SCN9A: variants seen among roughly 807,000 people sequenced by gnomAD.
SCN9A encodes sodium channel protein type 9 subunit alpha.
A neutral mutation model predicts 187.0 loss-of-function variants in SCN9A; 131 were observed. The ratio of observed to expected loss-of-function variants is 0.70; its 90% CI spans 0.61 to 0.81. The LOEUF is 0.81. SCN9A is among the 30% of genes least tolerant of loss of function. The probability of loss-of-function intolerance (pLI) is 0.00; values close to 1 mark genes in which losing one functional copy is unlikely to be tolerated. For missense variants in SCN9A, 2,252 were observed against 2,396.6 expected, an observed-to-expected ratio of 0.94 and a Z score of 1.26; for synonymous variants, 809 against 808.6, an observed-to-expected ratio of 1.00 and a Z score of -0.01.
At chr2:166,354,424 G>A (rs1404290141) in intron 1 of SCN9A, among the ~76,000 whole-genome samples, 1 of 152,046 alleles carries the variant, frequency 6.6e-6, no homozygotes, top group African/African-American at 2.4e-5. Context: ...GGACAATATG[G>A]TGGACACCAA....
At chr2:166,331,200 C>T (rs1003294035) in intron 1 of SCN9A, among the ~76,000 whole-genome samples, 3 of 152,234 alleles carry the variant, frequency 2.0e-5, no homozygotes, top group South Asian at 2.1e-4. Flanking sequence ...GCTTCATTCT[C>T]TTTGATCTTC....
chr2:166,265,774 T>C (rs942008778), intron 17 of SCN9A, among the ~76,000 whole-genome samples: 1 of 152,048 alleles, frequency 6.6e-6, no homozygotes, highest in African/African-American at 2.4e-5. Context: ...GGTGAGGAGA[T>C]ACCTCAAGAT....
intron 1 of SCN9A, among the ~76,000 whole-genome samples, chr2:166,361,980 G>C (rs1052415126): frequency 6.6e-6 from 1 of 152,048 alleles, no homozygotes; most frequent in Non-Finnish European, 1.5e-5. Flanking sequence ...ATTGTTAAAA[G>C]CCCTTTAATT....
In SCN9A at chr2:166,197,774, A is replaced by C. The variant is rs1693286338; in HGVS notation, c.*898T>G. The C allele has an allele frequency of 6.6e-6, 1 of 152,204 alleles. No individual in the cohort carries two copies. Among genetic ancestry groups the C allele is most frequent in the Admixed American group, 6.5e-5 (1 of 15,286 alleles). 9.4% of individuals were successfully genotyped at this position (152,204 alleles called of 1,614,324 possible). On this transcript the variant is annotated 3_prime_UTR_variant, in exon 27 of 27. Transcript: ENST00000642356. Reference sequence around the variant, plus strand: ...GGAAAATTTGACAAAAGAGTTTAAGAGACTATTATCAGTATTTTGGGCAGC... The same window carrying C: ...GGAAAATTTGACAAAAGAGTTTAAGCGACTATTATCAGTATTTTGGGCAGC...
At chr2:166,306,840 A>T in intron 3 of SCN9A, 116 bp downstream of exon 3, 2 of 656,234 alleles carry the variant, frequency 3.0e-6, no homozygotes, top group South Asian at 4.1e-5. Context: ...TACTGAAATT[A>T]ATAAACTAAA....
In SCN9A at chr2:166,197,140, T is replaced by C. The variant is rs1302423304; in HGVS notation, c.*1532A>G. 6.6e-6 allele frequency: 1 copy of C among 152,080 alleles called. No homozygotes were observed. Among genetic ancestry groups the C allele is most frequent in the Non-Finnish European group, 1.5e-5 (1 of 67,962 alleles). 9.4% of individuals were successfully genotyped at this position (152,080 alleles called of 1,614,324 possible). A position where few individuals can be genotyped will look rare whatever the true frequency, so the allele number is the denominator to read the frequency against. On this transcript the variant is annotated 3_prime_UTR_variant, in exon 27 of 27. Transcript: ENST00000642356. ...GCTTCAAAACCTCCCACAAAAATCT[T>C]CTAAGTAAAACTACATTCTACCTGT...
intron 1 of SCN9A, among the ~76,000 whole-genome samples, chr2:166,374,851 C>A (rs1041157934): frequency 1.3e-5 from 2 of 151,666 alleles, no homozygotes; most frequent in Non-Finnish European, 2.9e-5. Context: ...TCTTAAAAAC[C>A]CCCCTAAGTT....
At chr2:166,214,655 C>G (rs940486092) in intron 24 of SCN9A, among the ~76,000 whole-genome samples, 3 of 149,132 alleles carry the variant, frequency 2.0e-5, no homozygotes, top group Non-Finnish European at 4.4e-5. Context: ...GCTGGGACTA[C>G]AGGCGCCCGC....
In SCN9A at chr2:166,268,986, A is replaced by G. The variant is rs1696861356; in HGVS notation, c.3351+3413T>C. Among the ~76,000 whole-genome samples the G allele has an allele frequency of 2.0e-5, 3 of 151,966 alleles. No individual in the cohort carries two copies. In the South Asian group the frequency reaches 6.2e-4, roughly 31 times the overall value. On this transcript the variant is annotated intron_variant, in intron 17 of 26. Coordinates refer to ENST00000642356, the MANE Select transcript of SCN9A (RefSeq NM_001365536.1). ...CAAACACTATGCTACATGACTTAAA[A>G]ATACTAGCTTGTGTATCTGTTACTA... is the stretch of plus-strand genomic sequence containing the variant.
chr2:166,292,852 G>C (rs920533503), intron 9 of SCN9A, among the ~76,000 whole-genome samples: 4 of 152,102 alleles, frequency 2.6e-5, no homozygotes, highest in South Asian at 2.1e-4. Context: ...AATAAAACAT[G>C]GTGAGCAGGT....
At chr2:166,232,067 C>T (rs1335775379) in intron 21 of SCN9A, among the ~76,000 whole-genome samples, 2 of 151,978 alleles carry the variant, frequency 1.3e-5, no homozygotes, top group African/African-American at 4.8e-5. Flanking sequence ...GCTATACAAA[C>T]GGGTTAGGGT....
At position 166,303,116 on chromosome 2, in the gene SCN9A, G is replaced by A. The variant is rs747040934; in HGVS notation, c.875C>T (p.Thr292Ile). 6.2e-7 allele frequency: 1 copy of A among 1,605,456 alleles called. No homozygotes were observed. Among genetic ancestry groups the A allele is most frequent in the South Asian group, 1.1e-5 (1 of 90,232 alleles). The part of the protein sequence containing the change: ...NNETLESIMN[T>I]LESEEDFRKY... Reference sequence around the variant, plus strand: ...TCTAAAGTCTTCTTCACTCTCTAGGGTATTCATTATGCTTTCTAATGTTTC... The same window carrying A: ...TCTAAAGTCTTCTTCACTCTCTAGGATATTCATTATGCTTTCTAATGTTTC... Residue 292 changes from threonine (T) to isoleucine (I), a missense_variant, in exon 7 of 27, where the codon ACC becomes ATC. Transcript: ENST00000642356.
intron 17 of SCN9A, among the ~76,000 whole-genome samples, chr2:166,269,353 T>C (rs1696876434): frequency 6.6e-6 from 1 of 152,028 alleles, no homozygotes; most frequent in African/African-American, 2.4e-5. Context: ...TTCATCTGCA[T>C]GCCACAGATA....
chr2:166,330,667 C>G (rs547600407), intron 1 of SCN9A, among the ~76,000 whole-genome samples: 1 of 152,070 alleles, frequency 6.6e-6, no homozygotes, highest in Non-Finnish European at 1.5e-5. Flanking sequence ...GGTTTTGGGA[C>G]GAAACTATTC....
rs201483184 is a variant in SCN9A, at chr2:166,199,084, T to G, written c.5555A>C (p.Glu1852Ala). 12 of 1,614,032 alleles carry G rather than the reference T, an allele frequency of 7.4e-6. No homozygotes were observed. Among genetic ancestry groups the G allele is most frequent in the Non-Finnish European group, 1.0e-5 (12 of 1,180,038 alleles). ...LFAFTKRVLG[E>A]SGEMDSLRSQ... ...ACGAAGAGAATCCATCTCCCCACTC[T>G]CACCCAAAACACGCTTTGTAAAAGC... Residue 1852 changes from glutamate (E) to alanine (A), a missense_variant, in exon 27 of 27, where the codon GAG (glutamate) becomes GCG (alanine). Physicochemically the swap from Glu to Ala is moderately radical, Grantham distance 107 (BLOSUM62 -1). Transcript: ENST00000642356.
At chr2:166,264,506 A>G (rs1052925434) in intron 17 of SCN9A, among the ~76,000 whole-genome samples, 1 of 151,872 alleles carries the variant, frequency 6.6e-6, no homozygotes, top group Admixed American at 6.6e-5. Context: ...TTCTATTTCC[A>G]TTTGTTTCCT....
At chr2:166,256,246 T>C (rs1696269220) in intron 17 of SCN9A, among the ~76,000 whole-genome samples, 1 of 151,416 alleles carries the variant, frequency 6.6e-6, no homozygotes, top group African/African-American at 2.4e-5. Flanking sequence ...GTCATTAATA[T>C]TATTGATATT....
chr2:166,360,178 C>T (rs1263758716), intron 1 of SCN9A, among the ~76,000 whole-genome samples: 1 of 129,008 alleles, frequency 7.8e-6, no homozygotes, highest in Non-Finnish European at 1.6e-5. Context: ...GAGATCGGGC[C>T]ATTGCACTCC....
chr2:166,236,624 T>C (rs1371184181), intron 20 of SCN9A, among the ~76,000 whole-genome samples: 1 of 152,068 alleles, frequency 6.6e-6, no homozygotes, highest in Non-Finnish European at 1.5e-5. Context: ...GGTTTCACCA[T>C]GTTGGCCAGG....
Sources: allele counts gnomAD v4.1 joint callset (sites outside exome capture counted in the v4.1 genomes callset), GRCh38; gene constraint gnomAD v4.1.1; transcripts MANE v1.5; gene names NCBI Gene and HGNC (gene_info 2026-07-23, HGNC 2026-07-21).